EBF1: variants seen among roughly 807,000 people sequenced by gnomAD.
EBF1 encodes the protein transcription factor COE1.
EBF1 carries 10 observed loss-of-function variants against 68.4 expected under a neutral mutation model. The ratio of observed to expected loss-of-function variants is 0.15; its 90% confidence interval spans 0.09 to 0.25. The LOEUF is 0.25. Ranked by LOEUF, EBF1 falls within the 10% of genes least tolerant of loss-of-function variation. The pLI, the probability that EBF1 is intolerant of heterozygous loss-of-function variation, is 1.00. For missense variants in EBF1, 509 were observed against 794.4 expected, an observed-to-expected ratio of 0.64 and a Z score of 4.32; for synonymous variants, 298 against 299.8, an observed-to-expected ratio of 0.99 and a Z score of 0.06.
In EBF1 at chr5:158,698,927, G is replaced by C; in HGVS notation, c.*184C>G. 2.1e-6 allele frequency: 1 copy of C among 479,974 alleles called. No homozygotes were observed. Among genetic ancestry groups the C allele is most frequent in the Non-Finnish European group, 3.7e-6 (1 of 273,548 alleles). 29.7% of individuals were successfully genotyped at this position (479,974 alleles called of 1,614,324 possible). ...CAACTTTAACCAACACCCTGCACTT[G>C]CAGATCCCTCTTCCAATTTCAGTAT... On this transcript the variant is annotated 3_prime_UTR_variant, in exon 16 of 16. Transcript: ENST00000313708.
At chr5:158,772,108 G>A (rs1440318920) in intron 10 of EBF1, among the ~76,000 whole-genome samples, 2 of 152,158 alleles carry the variant, frequency 1.3e-5, no homozygotes, top group African/African-American at 4.8e-5. Context: ...CATACAGTGA[G>A]CAAAGAGGGA....
rs397883834 is a variant in EBF1 at position 159,060,971 on chromosome 5, CAT to C, written c.554+12423_554+12424del. Among the ~76,000 whole-genome samples, 31 of 149,620 alleles carry C rather than the reference CAT, an allele frequency of 2.1e-4. No homozygotes were observed. In the South Asian group the frequency reaches 4.5e-3, roughly 22 times the overall value. ...ACACACACACACACACACACACACA[CAT>C]ACCCCTCAGCCATCTATGAGAGAGC... On this transcript the variant is annotated intron_variant, in intron 6 of 15. Transcript: ENST00000313708.
intron 15 of EBF1, among the ~76,000 whole-genome samples, chr5:158,706,539 G>T (rs1458118571): frequency 6.6e-6 from 1 of 152,174 alleles, no homozygotes; most frequent in Non-Finnish European, 1.5e-5. Context: ...ACAGTGTAAA[G>T]CATCCAGCAC....
rs567267707 is a variant in EBF1, at chr5:158,937,993, G to C, written c.555-97883C>G. The stretch of plus-strand genomic sequence containing the variant: ...GTCAGAGCCATGAGAATAATGTCTC[G>C]TCGTGGACCTGGCATGTTCACACTA... On this transcript the variant is annotated intron_variant, in intron 6 of 15. Transcript: ENST00000313708. 7.9e-5 allele frequency among the ~76,000 whole-genome samples: 12 copies of C among 152,222 alleles called. No individual in the cohort carries two copies. In the East Asian group the frequency reaches 2.1e-3, roughly 27 times the overall value.
chr5:159,073,176 A>T lies in EBF1; in HGVS notation c.554+220T>A, dbSNP rs1017907202. 6.6e-5 allele frequency among the ~76,000 whole-genome samples: 10 copies of T among 152,362 alleles called. No homozygotes were observed. The East Asian group carries it at 1.9e-3, about 29-fold the overall frequency. On this transcript the variant is annotated intron_variant, in intron 6 of 15. Coordinates refer to ENST00000313708, the MANE Select transcript of EBF1 (RefSeq NM_024007.5). ...AGAAAAAATATATTCCTTTAGGAGC[A>T]TGAATCAGACAAAAACCGGAGCAAT... is the stretch of plus-strand genomic sequence containing the variant.
intron 10 of EBF1, among the ~76,000 whole-genome samples, chr5:158,753,547 G>C (rs562764935): frequency 6.6e-6 from 1 of 151,938 alleles, no homozygotes; most frequent in Non-Finnish European, 1.5e-5. Flanking sequence ...GAAGTGTCTC[G>C]ACCACACCAA....
At chr5:158,711,992 G>GGA (rs1398561339) in intron 14 of EBF1, among the ~76,000 whole-genome samples, 162 bp downstream of exon 14, 5 of 152,224 alleles carry the variant, frequency 3.3e-5, no homozygotes, top group African/African-American at 1.2e-4. Flanking sequence ...GATTCCTGCT[G>GGA]GAGACGATGG....
intron 7 of EBF1, among the ~76,000 whole-genome samples, chr5:158,823,907 C>T (rs1305490974): frequency 6.7e-6 from 1 of 150,036 alleles, no homozygotes; most frequent in East Asian, 2.0e-4. Flanking sequence ...AAAATTCCTG[C>T]TAATTAAGGG....
chr5:158,927,991 A>C lies in EBF1; in HGVS notation c.555-87881T>G, dbSNP rs559570991. ...GCCTGCCTAAAACCTATTTCTCACA[A>C]CACCACTCTATAATGTTCTAAAAAG... On this transcript the variant is annotated intron_variant, in intron 6 of 15. Coordinates refer to ENST00000313708, the MANE Select transcript of EBF1 (RefSeq NM_024007.5). 3.3e-5 allele frequency among the ~76,000 whole-genome samples: 5 copies of C among 152,308 alleles called. No homozygotes were observed. The South Asian group carries it at 1.0e-3, about 32-fold the overall frequency.
chr5:158,803,950 C>CTGTG lies in EBF1; in HGVS notation c.779-7479_779-7476dup, dbSNP rs10581149. Among the ~76,000 whole-genome samples, 533 of 131,486 alleles carry CTGTG rather than the reference C, an allele frequency of 4.1e-3. 5 individuals carry two copies. Among genetic ancestry groups the CTGTG allele is most frequent in the African/African-American group, 0.012 (425 of 34,442 alleles). 86.3% of individuals were successfully genotyped at this position (131,486 alleles called of 152,430 possible). The stretch of plus-strand genomic sequence containing the variant: ...ATATGAAAAAGAGTCGTGTGTGTGT[C>CTGTG]TGTGTGTGTGTGTGTGTGTGTGTGT... On this transcript the variant is annotated intron_variant, in intron 8 of 15. Coordinates refer to ENST00000313708, the MANE Select transcript of EBF1 (RefSeq NM_024007.5).
chr5:158,751,092 C>T (rs1406400060), intron 10 of EBF1, among the ~76,000 whole-genome samples: 1 of 151,906 alleles, frequency 6.6e-6, no homozygotes, highest in African/African-American at 2.4e-5. Context: ...AGTATAACCA[C>T]AAATACGAAG....
At chr5:158,808,748 TAGG>T (rs1304296853) in intron 8 of EBF1, among the ~76,000 whole-genome samples, 2 of 152,096 alleles carry the variant, frequency 1.3e-5, no homozygotes, top group African/African-American at 4.8e-5. Context: ...GAAGTTGCTG[TAGG>T]AGAAGGAGAA....
At chr5:158,918,707 C>A (rs1375299533) in intron 6 of EBF1, among the ~76,000 whole-genome samples, 1 of 152,220 alleles carries the variant, frequency 6.6e-6, no homozygotes, top group East Asian at 1.9e-4. Flanking sequence ...CCTTACTTTA[C>A]ATTGGTTCAT....
At chr5:158,938,210 T>TGAACC (rs1251173681) in intron 6 of EBF1, among the ~76,000 whole-genome samples, 1 of 152,240 alleles carries the variant, frequency 6.6e-6, no homozygotes, top group African/African-American at 2.4e-5. Context: ...TGCGATACTT[T>TGAACC]AACATAGCCT....
intron 6 of EBF1, among the ~76,000 whole-genome samples, chr5:159,043,604 C>A (rs563987776): frequency 6.6e-6 from 1 of 152,126 alleles, no homozygotes; most frequent in East Asian, 1.9e-4. Context: ...ATAACAACCA[C>A]AATTTAGATT....
chr5:159,031,300 G>A (rs1219509151), intron 6 of EBF1, among the ~76,000 whole-genome samples: 1 of 152,176 alleles, frequency 6.6e-6, no homozygotes, highest in Non-Finnish European at 1.5e-5. Flanking sequence ...AACTAGAAAG[G>A]GATCCTGTAT....
intron 8 of EBF1, among the ~76,000 whole-genome samples, chr5:158,811,296 T>C (rs1037547206): frequency 1.2e-4 from 18 of 152,190 alleles, no homozygotes; most frequent in African/African-American, 4.8e-5. Context: ...CTTTGAGTAA[T>C]GTCGTCAATT....
intron 6 of EBF1, among the ~76,000 whole-genome samples, chr5:158,851,417 G>A (rs1792642950): frequency 7.9e-6 from 1 of 127,262 alleles, no homozygotes; most frequent in Non-Finnish European, 1.7e-5. Context: ...GGAGGGGAAA[G>A]GGAAGGGAAG....
chr5:159,063,196 AC>A (rs1776163463), intron 6 of EBF1, among the ~76,000 whole-genome samples: 1 of 151,970 alleles, frequency 6.6e-6, no homozygotes, highest in South Asian at 2.1e-4. Context: ...CTTACAACCT[AC>A]CCTCCAAAGC....
Sources: gnomAD v4.1 joint callset for allele counts (sites outside exome capture counted in the v4.1 genomes callset) on GRCh38, gnomAD v4.1.1 for gene constraint, MANE v1.5 for transcripts, NCBI Gene and HGNC (gene_info 2026-07-23, HGNC 2026-07-21) for gene names.